The following USP13 variants were observed in gnomAD, a reference collection of about 807,000 sequenced individuals.
USP13 encodes ubiquitin carboxyl-terminal hydrolase 13.
A neutral mutation model predicts 107.8 loss-of-function variants in USP13; 68 were observed. That is an observed-to-expected ratio of 0.63 (90% CI 0.52 to 0.77). USP13 has a LOEUF of 0.77. Ranked by LOEUF, USP13 falls within the 30% of genes least tolerant of loss-of-function variation. USP13 has a pLI of 0.00. For synonymous variants in USP13, 377 were observed against 389.5 expected (o/e 0.97, Z 0.38); for missense variants, 945 against 1,093.3 (o/e 0.86, Z 1.91).
intron 16 of USP13, among the ~76,000 whole-genome samples, chr3:179,759,416 G>C (rs1203488993): frequency 1.3e-5 from 2 of 152,156 alleles, no homozygotes; most frequent in Admixed American, 1.3e-4. Flanking sequence ...CTTTACTATA[G>C]GATTCTTTAT....
At chr3:179,779,404 C>T (rs982702522) in intron 19 of USP13, among the ~76,000 whole-genome samples, 3 of 151,872 alleles carry the variant, frequency 2.0e-5, no homozygotes, top group Non-Finnish European at 4.4e-5. Context: ...CATGGTGGCA[C>T]GCGCCTGTAA....
chr3:179,684,202 G>T lies in USP13; in HGVS notation c.294+2199G>T, dbSNP rs141732426. 7.3e-5 allele frequency among the ~76,000 whole-genome samples: 11 copies of T among 150,036 alleles called. No homozygotes were observed. The East Asian group carries it at 2.0e-3, about 27-fold the overall frequency. On this transcript the variant is annotated intron_variant, in intron 2 of 20. Coordinates refer to ENST00000263966, the MANE Select transcript of USP13 (RefSeq NM_003940.3). ...TCTCGCTATCTCGACCTCATGATCCGCCCCCTTCGGCCTCCCAAAGTGCTG... is the reference window on the plus strand; with the variant it reads ...TCTCGCTATCTCGACCTCATGATCCTCCCCCTTCGGCCTCCCAAAGTGCTG...
In USP13 at chr3:179,784,128, G is replaced by T. The variant is rs1419093860; in HGVS notation, c.2579G>T (p.Arg860Met). 2 of 1,611,044 alleles carry T rather than the reference G, an allele frequency of 1.2e-6. No individual in the cohort carries two copies. Among genetic ancestry groups the T allele is most frequent in the Non-Finnish European group, 8.5e-7 (1 of 1,179,066 alleles). ...KDLGYMYFYR[R>M]IPS ...CTGGGCTACATGTACTTTTACCGCA[G>T]GATACCAAGCTAAACCTCAAATATA... is the stretch of plus-strand genomic sequence containing the variant. The change falls in exon 21 of 21, where the codon AGG (arginine) becomes ATG (methionine). Residue 860 changes from arginine (R) to methionine (M), a missense_variant. Transcript: ENST00000263966.
chr3:179,781,881 C>T, intron 20 of USP13, 58 bp downstream of exon 20: 1 of 1,386,550 alleles, frequency 7.2e-7, no homozygotes, highest in Non-Finnish European at 1.0e-6. Flanking sequence ...CTACTATATG[C>T]CAGGCACTCT....
intron 2 of USP13, among the ~76,000 whole-genome samples, chr3:179,683,456 G>A (rs191101574): frequency 3.3e-5 from 5 of 152,288 alleles, no homozygotes; most frequent in Admixed American, 2.6e-4. Context: ...AAAGAAAGAG[G>A]TTTAACAGAC....
At chr3:179,663,675 A>G (rs58601306) in intron 1 of USP13, among the ~76,000 whole-genome samples, 7,435 of 152,236 alleles carry the variant, frequency 0.049, 211 homozygotes, top group South Asian at 0.059. Flanking sequence ...GAAATCCTCA[A>G]TGGTGCCATT....
At chr3:179,666,284 A>G (rs927263405) in intron 1 of USP13, among the ~76,000 whole-genome samples, 1 of 152,212 alleles carries the variant, frequency 6.6e-6, no homozygotes, top group Non-Finnish European at 1.5e-5. Flanking sequence ...GGTTGAAAGT[A>G]ATTCACATAT....
intron 2 of USP13, among the ~76,000 whole-genome samples, chr3:179,684,241 G>A (rs2108456451): frequency 6.7e-6 from 1 of 149,006 alleles, no homozygotes; most frequent in South Asian, 2.1e-4. Flanking sequence ...TTACAGGTAT[G>A]AGCCACCACG....
intron 6 of USP13, among the ~76,000 whole-genome samples, chr3:179,709,496 G>A (rs745659966): frequency 4.6e-5 from 7 of 152,208 alleles, no homozygotes; most frequent in South Asian, 4.1e-4. Flanking sequence ...CACATTCTCC[G>A]GGGGATTAGA....
At chr3:179,705,588 G>A (rs1415740356) in intron 4 of USP13, among the ~76,000 whole-genome samples, 1 of 152,120 alleles carries the variant, frequency 6.6e-6, no homozygotes, top group Non-Finnish European at 1.5e-5. Context: ...TATCTATGTT[G>A]TAGCATGTAT....
At chr3:179,778,743 G>A (rs1384815321) in intron 19 of USP13, among the ~76,000 whole-genome samples, 3 of 151,396 alleles carry the variant, frequency 2.0e-5, no homozygotes, top group Non-Finnish European at 2.9e-5. Context: ...TCCAGCCTGG[G>A]TAACAAGGGC....
At chr3:179,722,337 T>C (rs1413935666) in intron 8 of USP13, among the ~76,000 whole-genome samples, 1 of 152,148 alleles carries the variant, frequency 6.6e-6, no homozygotes, top group Non-Finnish European at 1.5e-5. Flanking sequence ...CATAGACTAG[T>C]GCAGCTCCTT....
chr3:179,681,696 G>A (rs991740213), intron 1 of USP13, among the ~76,000 whole-genome samples, 182 bp from the exon 2 acceptor site: 1 of 152,094 alleles, frequency 6.6e-6, no homozygotes, highest in South Asian at 2.1e-4. Flanking sequence ...AGTCTGTCCG[G>A]CTCTCTGTCT....
chr3:179,690,135 C>A, intron 2 of USP13, 106 bp from the exon 3 acceptor site: 3 of 1,050,218 alleles, frequency 2.9e-6, no homozygotes, highest in South Asian at 1.6e-5. Flanking sequence ...TGGAATATTT[C>A]TTCTTGGCCT....
At chr3:179,765,616 T>C (rs764576324) in intron 18 of USP13, 79 bp from the exon 19 acceptor site, 60 of 1,515,076 alleles carry the variant, frequency 4.0e-5, no homozygotes, top group Non-Finnish European at 5.2e-5. Flanking sequence ...CTGCCTGACA[T>C]CTAGTTGAAA....
chr3:179,656,820 G>A lies in USP13; in HGVS notation c.168+3427G>A, dbSNP rs868550743. Among the ~76,000 whole-genome samples the A allele has an allele frequency of 9.2e-5, 14 of 152,190 alleles. No homozygotes were observed. In the South Asian group the frequency reaches 2.9e-3, roughly 31 times the overall value. On this transcript the variant is annotated intron_variant, in intron 1 of 20. Coordinates refer to ENST00000263966, the MANE Select transcript of USP13 (RefSeq NM_003940.3). ...CCTTTGAGTGCGACCTTCCTGGAGAGTGGGGACTTTGTGTTATTTCCAGCA... is the reference window on the plus strand; with the variant it reads ...CCTTTGAGTGCGACCTTCCTGGAGAATGGGGACTTTGTGTTATTTCCAGCA...
intron 1 of USP13, among the ~76,000 whole-genome samples, chr3:179,669,287 T>C (rs1056416579): frequency 2.6e-5 from 4 of 151,966 alleles, no homozygotes; most frequent in Admixed American, 6.6e-5. Flanking sequence ...ATGGTGAAAC[T>C]CCATCTCTAC....
intron 1 of USP13, among the ~76,000 whole-genome samples, chr3:179,675,754 T>C (rs1190684391): frequency 6.6e-6 from 1 of 152,030 alleles, no homozygotes; most frequent in East Asian, 1.9e-4. Flanking sequence ...CACCATGTTG[T>C]CCAGGCTGGT....
intron 13 of USP13, among the ~76,000 whole-genome samples, chr3:179,745,695 T>C (rs1159404672): frequency 6.6e-6 from 1 of 152,170 alleles, no homozygotes; most frequent in African/African-American, 2.4e-5. Flanking sequence ...CCTCCATATT[T>C]AAACTCCATT....
Sources: allele counts gnomAD v4.1 joint callset (sites outside exome capture counted in the v4.1 genomes callset), GRCh38; gene constraint gnomAD v4.1.1; transcripts MANE v1.5; gene names NCBI Gene and HGNC (gene_info 2026-07-23, HGNC 2026-07-21).